HYDIN: variants seen among roughly 807,000 people sequenced by gnomAD.
The protein encoded by HYDIN is axonemal central pair apparatus protein HYDIN.
A neutral mutation model predicts 403.9 loss-of-function variants in HYDIN; 132 were observed. That is an observed-to-expected ratio of 0.33 (90% CI 0.28 to 0.38). HYDIN has a LOEUF of 0.38. HYDIN is among the 10% of genes least tolerant of loss of function. The pLI is 1.00. For missense variants in HYDIN, 2,827 were observed against 5,009.5 expected (o/e 0.56, Z 13.15); for synonymous variants, 1,202 against 1,891.7 (o/e 0.64, Z 9.46).
intron 1 of HYDIN, among the ~76,000 whole-genome samples, chr16:71,205,371 T>C (rs2088240872): frequency 6.6e-6 from 1 of 152,204 alleles, no homozygotes; most frequent in African/African-American, 2.4e-5. Context: ...TGAGAACCCC[T>C]GGGGGATTCA....
chr16:70,908,547 A>C lies in HYDIN; in HGVS notation c.8213+106T>G, dbSNP rs547450994. ...TTGGGGTGGGCATGGTGGCCCCTGGAGCCCCACAGACAGGACAGCTCTGTT... is the reference window on the plus strand; with the variant it reads ...TTGGGGTGGGCATGGTGGCCCCTGGCGCCCCACAGACAGGACAGCTCTGTT... On this transcript the variant is annotated intron_variant, in intron 48 of 85. Transcript: ENST00000393567. 195 of 1,518,326 alleles carry C rather than the reference A, an allele frequency of 1.3e-4. 1 individual carries two copies. In the African/African-American group the frequency reaches 2.4e-3, roughly 19 times the overall value. The allele number at this position is 1,518,326 out of a possible 1,614,324, so 94.1% of individuals were successfully genotyped here. A position where few individuals can be genotyped will look rare whatever the true frequency, so the allele number is the denominator to read the frequency against.
At chr16:71,206,668 C>T (rs535827172) in intron 1 of HYDIN, among the ~76,000 whole-genome samples, 2 of 152,126 alleles carry the variant, frequency 1.3e-5, no homozygotes, top group Non-Finnish European at 2.9e-5. Flanking sequence ...TCCAAGGAAG[C>T]TAAGAATCAT....
At chr16:70,863,491 G>A (rs1386605116) in intron 67 of HYDIN, among the ~76,000 whole-genome samples, 1 of 152,202 alleles carries the variant, frequency 6.6e-6, no homozygotes, top group Non-Finnish European at 1.5e-5. Context: ...CCCCCACCAT[G>A]AGAGAGGAAA....
chr16:70,817,715 C>T (rs1201566838), intron 84 of HYDIN, among the ~76,000 whole-genome samples: 1 of 152,060 alleles, frequency 6.6e-6, no homozygotes, highest in East Asian at 1.9e-4. Flanking sequence ...TTCACCACAC[C>T]TATTCTATAC....
intron 5 of HYDIN, among the ~76,000 whole-genome samples, chr16:71,173,973 T>C (rs2086567465): frequency 6.6e-6 from 1 of 152,140 alleles, no homozygotes; most frequent in Non-Finnish European, 1.5e-5. Context: ...CCTACAAAAA[T>C]GAGGGTGTAG....
intron 40 of HYDIN, among the ~76,000 whole-genome samples, chr16:70,955,145 T>C (rs1357804073): frequency 2.0e-5 from 3 of 152,202 alleles, no homozygotes; most frequent in Non-Finnish European, 4.4e-5. Context: ...GTCTTATTCA[T>C]TGTCCTGGTC....
intron 4 of HYDIN, among the ~76,000 whole-genome samples, chr16:71,177,373 C>T (rs931457118): frequency 6.6e-6 from 1 of 152,176 alleles, no homozygotes. Flanking sequence ...AGATAGAGCC[C>T]TAATGTCTGT....
chr16:71,051,645 CAA>C (rs56676777), intron 18 of HYDIN, among the ~76,000 whole-genome samples: 15 of 120,188 alleles, frequency 1.2e-4, no homozygotes, highest in South Asian at 2.8e-4. Flanking sequence ...GACTCTGTCT[CAA>C]AAAAAAAAAA....
intron 18 of HYDIN, among the ~76,000 whole-genome samples, chr16:71,042,353 T>C (rs1321743732): frequency 2.6e-5 from 4 of 151,982 alleles, no homozygotes; most frequent in Non-Finnish European, 5.9e-5. Context: ...TGCCTCTATA[T>C]TGCTAAGTAC....
chr16:71,011,171 T>C (rs2080069570), intron 23 of HYDIN, among the ~76,000 whole-genome samples: 1 of 152,036 alleles, frequency 6.6e-6, no homozygotes, highest in Non-Finnish European at 1.5e-5. Flanking sequence ...AAGAGACCCT[T>C]AGAGAACCTA....
At chr16:70,981,609 T>C (rs1445167937) in intron 28 of HYDIN, 41 bp from the exon 29 acceptor site, 4 of 1,592,732 alleles carry the variant, frequency 2.5e-6, no homozygotes, top group Middle Eastern at 1.7e-4. Context: ...ACGAATGTGC[T>C]ACAGTACAGG....
At chr16:71,096,455 C>T (rs1157274447) in intron 10 of HYDIN, among the ~76,000 whole-genome samples, 2 of 152,170 alleles carry the variant, frequency 1.3e-5, no homozygotes, top group Admixed American at 1.3e-4. Context: ...TGTTTCTTCT[C>T]CACTTTTCAC....
At chr16:70,990,237 A>G (rs1474382531) in intron 25 of HYDIN, among the ~76,000 whole-genome samples, 1 of 150,214 alleles carries the variant, frequency 6.7e-6, no homozygotes, top group Non-Finnish European at 1.5e-5. Flanking sequence ...CTCTACTGAA[A>G]TACAAAAATT....
At chr16:71,196,973 A>T (rs2087726163) in intron 1 of HYDIN, among the ~76,000 whole-genome samples, 1 of 152,202 alleles carries the variant, frequency 6.6e-6, no homozygotes, top group African/African-American at 2.4e-5. Flanking sequence ...TGCTCTGCCT[A>T]TGGGGTAGCC....
At chr16:71,201,477 C>G (rs1326110708) in intron 1 of HYDIN, among the ~76,000 whole-genome samples, 4 of 152,178 alleles carry the variant, frequency 2.6e-5, no homozygotes, top group African/African-American at 7.2e-5. Context: ...CCCCTCACTC[C>G]AATCCAGGAG....
intron 84 of HYDIN, among the ~76,000 whole-genome samples, chr16:70,810,585 A>C (rs2035422378): frequency 6.6e-6 from 1 of 152,180 alleles, no homozygotes; most frequent in Non-Finnish European, 1.5e-5. Flanking sequence ...TAATCCTAGC[A>C]CTTTGGGAGG....
chr16:70,817,137 T>A (rs2035889692), intron 84 of HYDIN: 1 of 148,088 alleles, frequency 6.8e-6, no homozygotes, highest in Admixed American at 6.7e-5. Flanking sequence ...CTGAAATCAA[T>A]CTGTTTGTAA....
chr16:71,139,213 T>A (rs2085069015), intron 7 of HYDIN, among the ~76,000 whole-genome samples: 1 of 152,084 alleles, frequency 6.6e-6, no homozygotes, highest in African/African-American at 2.4e-5. Context: ...TGCAAATAAC[T>A]TCAAACCTTG....
chr16:70,881,451 A>T (rs1371979281), intron 60 of HYDIN, among the ~76,000 whole-genome samples: 2 of 144,154 alleles, frequency 1.4e-5, no homozygotes, highest in Non-Finnish European at 3.0e-5. Flanking sequence ...TACTAAAAAT[A>T]CAAAAAATTA....
Sources: allele counts gnomAD v4.1 joint callset (sites outside exome capture counted in the v4.1 genomes callset), GRCh38; gene constraint gnomAD v4.1.1; transcripts MANE v1.5; gene names NCBI Gene and HGNC (gene_info 2026-07-23, HGNC 2026-07-21).